The following EBF4 variants were observed in gnomAD, a reference collection of about 807,000 sequenced individuals.
EBF4 encodes the protein EBF transcription factor 4.
A neutral mutation model predicts 67.1 loss-of-function variants in EBF4; 34 were observed. That is an observed-to-expected ratio of 0.51 (90% CI 0.39 to 0.67). EBF4 has a LOEUF of 0.67. Ranked by LOEUF, EBF4 falls within the 30% of genes least tolerant of loss-of-function variation. The pLI, the probability that EBF4 is intolerant of heterozygous loss-of-function variation, is 0.00. For synonymous variants in EBF4, 387 were observed against 377.7 expected, an observed-to-expected ratio of 1.02 and a Z score of -0.29; for missense variants, 837 against 873.3, an observed-to-expected ratio of 0.96 and a Z score of 0.52.
At chr20:2,741,789 C>A (rs2087972408) in intron 6 of EBF4, among the ~76,000 whole-genome samples, 2 of 152,170 alleles carry the variant, frequency 1.3e-5, no homozygotes, top group Non-Finnish European at 2.9e-5. Flanking sequence ...TTCTTCTGGT[C>A]TTTCATTAAA....
At chr20:2,753,893 G>A (rs1292262667) in intron 14 of EBF4, among the ~76,000 whole-genome samples, 2 of 152,046 alleles carry the variant, frequency 1.3e-5, no homozygotes, top group Non-Finnish European at 2.9e-5. Context: ...TCTTTGCTCA[G>A]GCCAGGATTG....
At chr20:2,731,729 T>C (rs113208454) in intron 6 of EBF4, among the ~76,000 whole-genome samples, 62 of 152,356 alleles carry the variant, frequency 4.1e-4, no homozygotes, top group African/African-American at 1.3e-3. Flanking sequence ...GATGCCTCTC[T>C]CTCTTAAGCA....
chr20:2,704,688 G>GC (rs1485679277), intron 1 of EBF4, among the ~76,000 whole-genome samples: 3 of 152,148 alleles, frequency 2.0e-5, no homozygotes, highest in African/African-American at 7.2e-5. Context: ...TGCTTCTCCA[G>GC]TTTTTTTGCA....
At chr20:2,731,013 C>T (rs2087807026) in intron 6 of EBF4, among the ~76,000 whole-genome samples, 3 of 152,212 alleles carry the variant, frequency 2.0e-5, no homozygotes, top group Admixed American at 2.0e-4. Context: ...ATTCTCCTGC[C>T]TCAGCCTCCC....
intron 6 of EBF4, among the ~76,000 whole-genome samples, chr20:2,738,147 G>A (rs1015115336): frequency 3.9e-5 from 6 of 152,020 alleles, no homozygotes; most frequent in Non-Finnish European, 7.4e-5. Flanking sequence ...AATTGTAGAA[G>A]ATGCCAGGCC....
At chr20:2,726,910 A>G (rs950448226) in intron 6 of EBF4, among the ~76,000 whole-genome samples, 3 of 152,116 alleles carry the variant, frequency 2.0e-5, no homozygotes, top group Non-Finnish European at 4.4e-5. Flanking sequence ...CCGAAACTCT[A>G]TATTTATTAA....
intron 1 of EBF4, among the ~76,000 whole-genome samples, chr20:2,697,379 A>G (rs2087307172): frequency 1.3e-5 from 2 of 151,720 alleles, no homozygotes; most frequent in Admixed American, 1.3e-4. Flanking sequence ...CCCCGTCTCT[A>G]CTAAAAATAC....
intron 6 of EBF4, among the ~76,000 whole-genome samples, chr20:2,727,694 A>C (rs556313604): frequency 1.3e-5 from 2 of 152,164 alleles, no homozygotes; most frequent in African/African-American, 2.4e-5. Context: ...AATCCCACCA[A>C]CAAAGTTTCC....
At chr20:2,759,270 C>T (rs917500960) in exon 17 of EBF4, 8 of 483,510 alleles carry the variant, frequency 1.7e-5, no homozygotes, top group African/African-American at 1.4e-4. Flanking sequence ...CCCACCAGGT[C>T]TGCAGCTGTT....
At chr20:2,759,016 C>A (rs1413542737) in intron 16 of EBF4, 32 bp downstream of exon 16, 1 of 1,535,402 alleles carries the variant, frequency 6.5e-7, no homozygotes. Context: ...GCCTCCCCCG[C>A]CCCACCTGGC....
rs1379524885 is a variant in EBF4, at chr20:2,693,682, C to G, written c.37C>G (p.Leu13Val). ...GCAGGACGCTCTGCCCCGCAGCGGG[C>G]TGAACCTGAAGGAGGAGCCGCTGCT... Residue 13 changes from leucine to valine, a missense_variant, in exon 1 of 17, where the codon CTG becomes GTG. Leu to Val is a conservative substitution (Grantham distance 32). Transcript: ENST00000609451. This position sits in a 1 kb window ranked among gnomAD's most constrained non-coding sequence, Gnocchi z 4.6. 1 of 1,440,662 alleles carries G rather than the reference C, an allele frequency of 6.9e-7. No individual in the cohort carries two copies. Among genetic ancestry groups the G allele is most frequent in the Non-Finnish European group, 9.1e-7 (1 of 1,103,024 alleles). 89.2% of individuals were successfully genotyped at this position (1,440,662 alleles called of 1,614,324 possible). A position where few individuals can be genotyped will look rare whatever the true frequency, so the allele number is the denominator to read the frequency against.
At chr20:2,709,743 GC>G (rs991265891) in intron 6 of EBF4, 101 bp downstream of exon 6, 26 of 1,203,952 alleles carry the variant, frequency 2.2e-5, no homozygotes, top group East Asian at 1.5e-4. Context: ...GAGCGGAGCA[GC>G]CCCCCCGGGG....
At chr20:2,718,132 A>T (rs912514476) in intron 6 of EBF4, among the ~76,000 whole-genome samples, 6 of 152,144 alleles carry the variant, frequency 3.9e-5, no homozygotes, top group Non-Finnish European at 8.8e-5. Context: ...CCAATTCTAC[A>T]TTTCCCAGAT....
At chr20:2,700,727 C>A (rs545248285) in intron 1 of EBF4, among the ~76,000 whole-genome samples, 16,737 of 152,144 alleles carry the variant, frequency 0.11, 989 homozygotes, top group Admixed American at 0.14. Context: ...AGCTTGTAAT[C>A]AGCTTGTAAT....
chr20:2,723,307 A>G (rs2087705694), intron 6 of EBF4, among the ~76,000 whole-genome samples: 1 of 151,996 alleles, frequency 6.6e-6, no homozygotes, highest in African/African-American at 2.4e-5. Context: ...TTCAACCATT[A>G]TGTGTCCTTA....
rs1209491960 is a variant in EBF4, at chr20:2,707,378, T to C, written c.415-569T>C. Among the ~76,000 whole-genome samples, 1 of 151,678 alleles carries C rather than the reference T, an allele frequency of 6.6e-6. No homozygotes were observed. The highest frequency in any genetic ancestry group is 1.5e-5 in the Non-Finnish European group (1 of 67,902). Reference sequence around the variant, plus strand: ...GGGCAGAGGGAGGCTGGAAGACTGGTGAGGAGGTGATGCAGCAGTCCCAGG... The same window carrying C: ...GGGCAGAGGGAGGCTGGAAGACTGGCGAGGAGGTGATGCAGCAGTCCCAGG... On this transcript the variant is annotated intron_variant, in intron 4 of 16. Coordinates refer to ENST00000609451, the Ensembl canonical transcript of EBF4. This position sits in a 1 kb window ranked among gnomAD's most constrained non-coding sequence, Gnocchi z 4.6.
chr20:2,722,667 T>C (rs2087697578), intron 6 of EBF4, among the ~76,000 whole-genome samples: 1 of 152,250 alleles, frequency 6.6e-6, no homozygotes, highest in Non-Finnish European at 1.5e-5. Context: ...TATGCTGGGA[T>C]ATTTGTAAGG....
At chr20:2,750,775 A>G (rs932167192) in intron 10 of EBF4, among the ~76,000 whole-genome samples, 1 of 152,094 alleles carries the variant, frequency 6.6e-6, no homozygotes, top group African/African-American at 2.4e-5. Flanking sequence ...ATCAAGGAAA[A>G]CCTTTGGTAG....
chr20:2,701,573 T>C (rs938126562), intron 1 of EBF4, among the ~76,000 whole-genome samples: 6 of 152,252 alleles, frequency 3.9e-5, no homozygotes, highest in African/African-American at 1.4e-4. Context: ...ATCTGTGATT[T>C]ATGCTGCACC....
Sources: gnomAD v4.1 joint callset for allele counts (sites outside exome capture counted in the v4.1 genomes callset) on GRCh38, gnomAD v4.1.1 for gene constraint, Gnocchi (gnomAD v3.1) non-coding constraint, MANE v1.5 for transcripts, NCBI Gene and HGNC (gene_info 2026-07-23, HGNC 2026-07-21) for gene names.